The following EYA1 variants were observed in gnomAD, a reference collection of about 807,000 sequenced individuals.
EYA1 encodes the protein EYA transcriptional coactivator and phosphatase 1.
A neutral mutation model predicts 82.0 loss-of-function variants in EYA1; 16 were observed. The observed-to-expected ratio is 0.20, with a 90% confidence interval of 0.13 to 0.30. The LOEUF (loss-of-function observed/expected upper bound fraction) is 0.30, where lower values mean the gene tolerates loss of function less well. Among genes scored for constraint, EYA1 ranks in the 10% least tolerant of loss-of-function variants. The pLI is 1.00. For synonymous variants in EYA1, 261 were observed against 264.4 expected (o/e 0.99, Z 0.12); for missense variants, 633 against 730.7 (o/e 0.87, Z 1.54).
chr8:71,364,938 TCA>T (rs1827652850), upstream of EYA1, among the ~76,000 whole-genome samples: 1 of 41,378 alleles, frequency 2.4e-5, no homozygotes. Flanking sequence ...AAAGCAAATG[TCA>T]TATATATATA....
chr8:71,385,330 T>C (rs774641018), intron 2 of EYA1, among the ~76,000 whole-genome samples: 1 of 152,028 alleles, frequency 6.6e-6, no homozygotes, highest in Non-Finnish European at 1.5e-5. Flanking sequence ...AGCCCAGTTC[T>C]CCATATGACA....
chr8:71,506,986 C>G (rs1223438634), intron 2 of EYA1, among the ~76,000 whole-genome samples: 1 of 151,808 alleles, frequency 6.6e-6, no homozygotes, highest in Non-Finnish European at 1.5e-5. Flanking sequence ...AAATAATAGA[C>G]AAGAGACTGG....
intron 10 of EYA1, 63 bp from the exon 11 acceptor site, chr8:71,269,886 A>G (rs2069256208): frequency 3.2e-6 from 4 of 1,261,014 alleles, no homozygotes; most frequent in Non-Finnish European, 4.7e-6. Context: ...TATTCAGTTA[A>G]CTTCAACACG....
intron 12 of EYA1, among the ~76,000 whole-genome samples, chr8:71,239,700 A>G (rs1812250447): frequency 6.6e-6 from 1 of 152,194 alleles, no homozygotes; most frequent in Non-Finnish European, 1.5e-5. Flanking sequence ...AGGGGTTTGG[A>G]AGCAGCAAAG....
intron 2 of EYA1, among the ~76,000 whole-genome samples, chr8:71,415,907 T>C (rs1229371526): frequency 1.3e-5 from 2 of 152,206 alleles, no homozygotes; most frequent in African/African-American, 4.8e-5. Context: ...AAACTATTCT[T>C]GATATTACAA....
intron 12 of EYA1, among the ~76,000 whole-genome samples, chr8:71,218,120 C>T (rs1809443419): frequency 6.6e-6 from 1 of 152,132 alleles, no homozygotes; most frequent in Non-Finnish European, 1.5e-5. Context: ...TACTTATTTC[C>T]ATTAAAGTTT....
intron 2 of EYA1, among the ~76,000 whole-genome samples, chr8:71,422,538 A>G (rs538741542): frequency 8.8e-4 from 134 of 152,286 alleles, no homozygotes; most frequent in African/African-American, 3.1e-3. Flanking sequence ...ACTTATCTAC[A>G]GATACCTACT....
chr8:71,332,402 G>C (rs1189501775), intron 4 of EYA1, among the ~76,000 whole-genome samples: 1 of 152,026 alleles, frequency 6.6e-6, no homozygotes, highest in Non-Finnish European at 1.5e-5. Flanking sequence ...TGTCAACCGT[G>C]CTCCTCTTGC....
rs751395783 is a variant in EYA1 at position 71,386,654 on chromosome 8, T to C, written c.34-30143A>G. On this transcript the variant is annotated intron_variant, in intron 2 of 18. Coordinates refer to the EYA1 transcript ENST00000643681. ...TCAGATTTCAGCTGGGAAAATTGTT[T>C]TTCTCCATTGTGTATAATCCAATTG... Among the ~76,000 whole-genome samples, 24 of 152,190 alleles carry C rather than the reference T, an allele frequency of 1.6e-4. 1 individual carries two copies. Among genetic ancestry groups the C allele is most frequent in the Non-Finnish European group, 5.9e-5 (4 of 68,028 alleles).
rs539209687 is a variant in EYA1 at position 71,484,126 on chromosome 8, A to C, written c.33+51618T>G. On this transcript the variant is annotated intron_variant, in intron 2 of 18. Coordinates refer to the EYA1 transcript ENST00000643681. ...TAGCAGGATAGCCCTCCTTTGTACA[A>C]CTGGATTACCCACAGTCACCTGTGC... 2.6e-5 allele frequency among the ~76,000 whole-genome samples: 4 copies of C among 152,334 alleles called. No homozygotes were observed. The South Asian group carries it at 8.3e-4, about 32-fold the overall frequency.
chr8:71,425,375 G>A (rs573503475), intron 2 of EYA1, among the ~76,000 whole-genome samples: 3 of 152,166 alleles, frequency 2.0e-5, no homozygotes, highest in Non-Finnish European at 4.4e-5. Flanking sequence ...CTTTTGAACA[G>A]CAAAATATAA....
chr8:71,417,485 T>C (rs1421540187), intron 2 of EYA1, among the ~76,000 whole-genome samples: 1 of 152,220 alleles, frequency 6.6e-6, no homozygotes, highest in Non-Finnish European at 1.5e-5. Flanking sequence ...TTCTGAGCAT[T>C]CCATTATATC....
intron 12 of EYA1, among the ~76,000 whole-genome samples, chr8:71,236,343 C>T (rs1471144085): frequency 6.6e-6 from 1 of 152,114 alleles, no homozygotes; most frequent in Admixed American, 6.6e-5. Flanking sequence ...CCGAATTTTA[C>T]ACTTTTTAAA....
At chr8:71,508,836 T>G (rs148216241) in intron 2 of EYA1, among the ~76,000 whole-genome samples, 60 of 152,280 alleles carry the variant, frequency 3.9e-4, no homozygotes, top group African/African-American at 1.4e-3. Flanking sequence ...ACCAGGGTCA[T>G]CCAGAGAAAA....
chr8:71,528,815 A>G (rs1243321581), intron 2 of EYA1, among the ~76,000 whole-genome samples: 2 of 152,234 alleles, frequency 1.3e-5, no homozygotes, highest in African/African-American at 4.8e-5. Context: ...CAAGAAAGGT[A>G]TTATTATGCC....
chr8:71,467,950 A>C (rs1808899148), intron 2 of EYA1, among the ~76,000 whole-genome samples: 1 of 152,118 alleles, frequency 6.6e-6, no homozygotes, highest in Non-Finnish European at 1.5e-5. Flanking sequence ...TGAATTGAAC[A>C]CTAGCAGGAA....
intron 12 of EYA1, among the ~76,000 whole-genome samples, chr8:71,224,261 A>T (rs1268200829): frequency 6.6e-6 from 1 of 152,218 alleles, no homozygotes; most frequent in Non-Finnish European, 1.5e-5. Context: ...CCATGTTCCA[A>T]ATTTACCATG....
chr8:71,539,232 A>G (rs1385510155), intron 1 of EYA1, among the ~76,000 whole-genome samples: 1 of 14,414 alleles, frequency 6.9e-5, no homozygotes, highest in Non-Finnish European at 1.0e-4. Flanking sequence ...AGGGTCAACC[A>G]AAAAAAAAAT....
intron 2 of EYA1, among the ~76,000 whole-genome samples, chr8:71,522,589 A>G (rs1223141263): frequency 6.7e-6 from 1 of 149,484 alleles, no homozygotes; most frequent in African/African-American, 2.5e-5. Context: ...AAAATATATG[A>G]TGTATGGAAA....
Sources: gnomAD v4.1 joint callset for allele counts (sites outside exome capture counted in the v4.1 genomes callset) on GRCh38, gnomAD v4.1.1 for gene constraint, MANE v1.5 for transcripts, NCBI Gene and HGNC (gene_info 2026-07-23, HGNC 2026-07-21) for gene names.